The following ANTXRL variants were observed in gnomAD, a reference collection of about 807,000 sequenced individuals.
ANTXRL encodes the protein anthrax toxin receptor-like.
ANTXRL carries 63 observed loss-of-function variants against 75.4 expected under a neutral mutation model. The observed-to-expected ratio is 0.84, with a 90% CI of 0.68 to 1.03. The LOEUF is 1.03. Among genes scored for constraint, ANTXRL ranks in the 50% least tolerant of loss-of-function variants. ANTXRL has a pLI of 0.00. For synonymous variants in ANTXRL, 335 were observed against 291.3 expected, an observed-to-expected ratio of 1.15 and a Z score of -1.53; for missense variants, 797 against 789.4, an observed-to-expected ratio of 1.01 and a Z score of -0.12.
chr10:46,298,820 G>A, intron 9 of ANTXRL, among the ~76,000 whole-genome samples: 1 of 151,618 alleles, frequency 6.6e-6, no homozygotes, highest in East Asian at 1.9e-4. Flanking sequence ...TGTGGTGTGT[G>A]GTGTGATGTG....
intron 16 of ANTXRL, among the ~76,000 whole-genome samples, chr10:46,327,154 C>T (rs4075831): frequency 4.5e-4 from 68 of 152,142 alleles, no homozygotes; most frequent in African/African-American, 1.6e-3. Flanking sequence ...TCAAGAGGAG[C>T]GAGGGAGGGT....
Position 46,302,773 on chromosome 10 carries a change from G to T in ANTXRL, c.848G>T (p.Arg283Leu), listed in dbSNP as rs148597284. ...AATGGCTTTCAGAATCTAAAGAAAC[G>T]GGATGAAGTTATTTGCAGATTTATC... ...HGNGFQNLKKRDEVICRFIFN... is the reference protein window; with the variant it reads ...HGNGFQNLKKLDEVICRFIFN... Residue 283 changes from arginine (R) to leucine (L), a missense_variant, in exon 10 of 17, where the codon CGG becomes CTG. Arg to Leu is a moderately radical substitution (Grantham distance 102). This residue lies in a region of ANTXRL where 56 missense variants were observed against 95.5 expected (regional missense o/e 0.59). Transcript: ENST00000620264. The T allele has an allele frequency of 2.6e-6, 4 of 1,536,042 alleles. No homozygotes were observed. The highest frequency in any genetic ancestry group is 3.5e-6 in the Non-Finnish European group (4 of 1,146,650).
Position 46,329,676 on chromosome 10 carries a change from C to T in ANTXRL, c.1488C>T (p.His496=). 1 of 1,536,338 alleles carries T rather than the reference C, an allele frequency of 6.5e-7. No individual in the cohort carries two copies. The highest frequency in any genetic ancestry group is 8.7e-7 in the Non-Finnish European group (1 of 1,146,834). The part of the protein sequence containing the change: ...APCCPRICFP[H]SQECLSLPQA... ...GCTGCCCAAGGATCTGCTTTCCACA[C>T]AGCCAGGAGTGCCTTTCCCTACCAC... The change falls in exon 17 of 17, where the codon CAC becomes CAT. Residue 496 remains histidine, a synonymous_variant. Coordinates refer to ENST00000620264, the MANE Select transcript of ANTXRL (RefSeq NM_001278688.3).
intron 9 of ANTXRL, among the ~76,000 whole-genome samples, chr10:46,301,601 T>C (rs1310059954): frequency 6.6e-6 from 1 of 152,118 alleles, no homozygotes; most frequent in Non-Finnish European, 1.5e-5. Flanking sequence ...GGAGCTGACA[T>C]GGAGAAACAC....
Position 46,313,216 on chromosome 10 carries a change from A to G in ANTXRL, c.1330-20A>G, listed in dbSNP as rs1838529915. The stretch of plus-strand genomic sequence containing the variant: ...AGTGTCCAAGCTGCATGTCTTCCTC[A>G]TGGCCACGTTGCTTTTCAGGGCAAT... On this transcript the variant is annotated intron_variant, in intron 15 of 16. Coordinates refer to ENST00000620264, the MANE Select transcript of ANTXRL (RefSeq NM_001278688.3). The G allele has an allele frequency of 6.5e-7, 1 of 1,534,626 alleles. No homozygotes were observed. Among genetic ancestry groups the G allele is most frequent in the Non-Finnish European group, 8.7e-7 (1 of 1,145,786 alleles).
chr10:46,314,196 A>T (rs1554964239), intron 16 of ANTXRL, among the ~76,000 whole-genome samples: 1 of 152,166 alleles, frequency 6.6e-6, no homozygotes, highest in Non-Finnish European at 1.5e-5. Context: ...TGCTGATAAG[A>T]AATGGGCCGG....
At chr10:46,310,417 C>T (rs1458157911) in intron 13 of ANTXRL, 44 bp from the exon 14 acceptor site, 6 of 1,530,832 alleles carry the variant, frequency 3.9e-6, no homozygotes, top group Non-Finnish European at 5.3e-6. Flanking sequence ...GCAGAGCCCG[C>T]CCACCCCCAT....
intron 10 of ANTXRL, among the ~76,000 whole-genome samples, chr10:46,303,044 T>C (rs1837851487): frequency 6.6e-6 from 1 of 152,160 alleles, no homozygotes; most frequent in Admixed American, 6.5e-5. Context: ...AAGAGCATCT[T>C]ACATCAGGGC....
In ANTXRL at chr10:46,313,856, C is replaced by A. The variant is rs567036064; in HGVS notation, c.1410+540C>A. Among the ~76,000 whole-genome samples the A allele has an allele frequency of 2.0e-5, 3 of 152,254 alleles. No individual in the cohort carries two copies. The South Asian group carries it at 6.2e-4, about 32-fold the overall frequency. ...GTGCTGAGATATTAAGTAGCATGTCCCTGCTCCTAAAGCCCACGAGTGATA... is the reference window on the plus strand; with the variant it reads ...GTGCTGAGATATTAAGTAGCATGTCACTGCTCCTAAAGCCCACGAGTGATA... On this transcript the variant is annotated intron_variant, in intron 16 of 16. Coordinates refer to ENST00000620264, the MANE Select transcript of ANTXRL (RefSeq NM_001278688.3).
chr10:46,312,269 C>T (rs1200340240), intron 15 of ANTXRL, among the ~76,000 whole-genome samples: 4 of 150,794 alleles, frequency 2.7e-5, no homozygotes, highest in South Asian at 4.2e-4. Flanking sequence ...GGCCTGAAAG[C>T]GCCCTCACAA....
Position 46,293,875 on chromosome 10 carries a change from A to C in ANTXRL, c.367A>C (p.Thr123Pro). 1 of 1,535,692 alleles carries C rather than the reference A, an allele frequency of 6.5e-7. No individual in the cohort carries two copies. Among genetic ancestry groups the C allele is most frequent in the Non-Finnish European group, 8.7e-7 (1 of 1,146,648 alleles). Residue 123 changes from threonine (T) to proline (P), a missense_variant, in exon 3 of 17, where the codon ACT becomes CCT. By Grantham distance (38) the Thr-to-Pro change is conservative. Transcript: ENST00000620264. ...CFITYSTDGQ[T>P]VLPLTSDKNR... ...CATCACCTACTCCACAGACGGCCAGACTGTCTTGCCACTCACCTCAGACAA... is the reference window on the plus strand; with the variant it reads ...CATCACCTACTCCACAGACGGCCAGCCTGTCTTGCCACTCACCTCAGACAA...
intron 1 of ANTXRL, among the ~76,000 whole-genome samples, chr10:46,288,584 G>A (rs1302032676): frequency 6.6e-6 from 1 of 152,172 alleles, no homozygotes; most frequent in Non-Finnish European, 1.5e-5. Flanking sequence ...GAGACAGGCA[G>A]AGTCCACTCA....
At position 46,300,182 on chromosome 10, in the gene ANTXRL, G is replaced by A. The variant is rs72472020; in HGVS notation, c.796+2120G>A. Reference sequence around the variant, plus strand: ...CCTTCTGCCTCTGCTCACGTGGCCCGGCAGTCACAGCCCTGATCTGTCAGC... The same window carrying A: ...CCTTCTGCCTCTGCTCACGTGGCCCAGCAGTCACAGCCCTGATCTGTCAGC... On this transcript the variant is annotated intron_variant, in intron 9 of 16. Coordinates refer to ENST00000620264, the MANE Select transcript of ANTXRL (RefSeq NM_001278688.3). Among the ~76,000 whole-genome samples, 1,687 of 152,226 alleles carry A rather than the reference G, an allele frequency of 0.011. 108 individuals carry two copies. In the East Asian group the frequency reaches 0.19, roughly 17 times the overall value.
chr10:46,293,352 G>A (rs183420854), intron 2 of ANTXRL, among the ~76,000 whole-genome samples: 1 of 148,702 alleles, frequency 6.7e-6, no homozygotes, highest in African/African-American at 2.5e-5. Flanking sequence ...GTGCGTGCAT[G>A]TGTGTGCATG....
intron 15 of ANTXRL, among the ~76,000 whole-genome samples, chr10:46,312,765 G>A (rs1231569259): frequency 2.0e-5 from 3 of 149,134 alleles, no homozygotes; most frequent in African/African-American, 7.4e-5. Flanking sequence ...GCTGCTTTCT[G>A]GCCTGTTTTT....
intron 13 of ANTXRL, 101 bp from the exon 14 acceptor site, chr10:46,310,360 C>G: frequency 8.8e-7 from 1 of 1,142,020 alleles, no homozygotes; most frequent in East Asian, 2.6e-5. Context: ...AGGCAGTGCT[C>G]TGTCCTGGTG....
chr10:46,296,067 C>T lies in ANTXRL; in HGVS notation c.441C>T (p.Asp147=), dbSNP rs181165577. Reference sequence around the variant, plus strand: ...ACCAACTTCAGAAAATTGTGCCTGACGGTCACACATTCATGCAGGCAGGAT... The same window carrying T: ...ACCAACTTCAGAAAATTGTGCCTGATGGTCACACATTCATGCAGGCAGGAT... The part of the protein sequence containing the change: ...GLDQLQKIVP[D]GHTFMQAGFR... Residue 147 remains aspartate (D), a synonymous_variant, in exon 4 of 17, where the codon GAC becomes GAT. Coordinates refer to ENST00000620264, the MANE Select transcript of ANTXRL (RefSeq NM_001278688.3). 598 of 1,535,922 alleles carry T rather than the reference C, an allele frequency of 3.9e-4. 3 individuals are homozygous for T. The African/African-American group carries it at 6.1e-3, about 16-fold the overall frequency.
chr10:46,289,264 C>G lies in ANTXRL; in HGVS notation c.248+1754C>G, dbSNP rs192934939. Among the ~76,000 whole-genome samples the G allele has an allele frequency of 3.4e-3, 516 of 152,282 alleles. 2 individuals are homozygous for G. Among genetic ancestry groups the G allele is most frequent in the African/African-American group, 0.012 (483 of 41,540 alleles). On this transcript the variant is annotated intron_variant, in intron 1 of 16. Coordinates refer to ENST00000620264, the MANE Select transcript of ANTXRL (RefSeq NM_001278688.3). ...CTTGGCCAGGTGACATTTGAGGGCT[C>G]TAAGTGGGAATGACCCCTTGTATTT...
intron 1 of ANTXRL, among the ~76,000 whole-genome samples, chr10:46,290,614 A>G (rs1836944946): frequency 3.3e-5 from 5 of 152,172 alleles, no homozygotes; most frequent in African/African-American, 1.2e-4. Flanking sequence ...GGTTTTTGAT[A>G]ATAGTCACCC....
Sources: allele counts gnomAD v4.1 joint callset (sites outside exome capture counted in the v4.1 genomes callset), GRCh38; gene constraint gnomAD v4.1.1; regional missense constraint gnomAD v4.1.1; transcripts MANE v1.5; gene names NCBI Gene and HGNC (gene_info 2026-07-23, HGNC 2026-07-21).